The following MIB1 variants were observed in gnomAD, a reference collection of about 807,000 sequenced individuals.
The protein encoded by MIB1 is MIB E3 ubiquitin protein ligase 1.
MIB1 carries 278 observed loss-of-function variants against 124.5 expected under a neutral mutation model. That is an observed-to-expected ratio of 2.23 (90% confidence interval 2.02 to 2.47). The LOEUF (loss-of-function observed/expected upper bound fraction) is 2.47. Ranked by LOEUF, MIB1 falls within the 30% of genes most tolerant of loss-of-function variation. The probability of loss-of-function intolerance (pLI) is 0.00; values close to 1 mark genes in which losing one functional copy is unlikely to be tolerated. For missense variants in MIB1, 957 were observed against 1,254.4 expected (o/e 0.76, Z 3.58); for synonymous variants, 446 against 429.4 (o/e 1.04, Z -0.48).
At chr18:21,791,258 T>C (rs1816784894) in intron 6 of MIB1, 116 bp from the exon 7 acceptor site, 1 of 690,432 alleles carries the variant, frequency 1.4e-6, no homozygotes, top group African/African-American at 1.8e-5. Context: ...TAAACACAAA[T>C]CATTCAGGAT....
chr18:21,835,840 A>AAACAC (rs1555695331), intron 12 of MIB1, among the ~76,000 whole-genome samples: 4,331 of 107,982 alleles, frequency 0.04, 135 homozygotes, highest in Middle Eastern at 0.065. Flanking sequence ...CACACACACA[A>AAACAC]ACACACACGA....
At chr18:21,830,777 G>C (rs1343722469) in intron 12 of MIB1, 1 of 152,120 alleles carries the variant, frequency 6.6e-6, no homozygotes, top group African/African-American at 2.4e-5. Context: ...GGATGTATCA[G>C]TGAACACAGA....
At chr18:21,843,452 A>C (rs1335112723) in intron 14 of MIB1, among the ~76,000 whole-genome samples, 4 of 152,232 alleles carry the variant, frequency 2.6e-5, no homozygotes, top group Non-Finnish European at 2.9e-5. Context: ...TAAGTATCGT[A>C]GAAGGGATTA....
chr18:21,787,705 A>G (rs938149479), intron 6 of MIB1, among the ~76,000 whole-genome samples: 1 of 150,044 alleles, frequency 6.7e-6, no homozygotes, highest in Admixed American at 6.6e-5. Flanking sequence ...GGATCATTTC[A>G]GCTTCAGACT....
intron 20 of MIB1, among the ~76,000 whole-genome samples, chr18:21,862,685 G>T (rs2042286497): frequency 6.6e-6 from 1 of 152,122 alleles, no homozygotes; most frequent in Non-Finnish European, 1.5e-5. Flanking sequence ...GCCCTGAGTT[G>T]GTTCACTCTA....
At position 21,765,465 on chromosome 18, in the gene MIB1, A is replaced by G. The variant is rs181364337; in HGVS notation, c.230-307A>G. On this transcript the variant is annotated intron_variant, in intron 1 of 20. Coordinates refer to ENST00000261537, the MANE Select transcript of MIB1 (RefSeq NM_020774.4). ...TGTAGTCTGAAACATCTCCTTAGTG[A>G]TAAAGGATTCTTTCTTTCTCTGTGC... Among the ~76,000 whole-genome samples, 55 of 152,322 alleles carry G rather than the reference A, an allele frequency of 3.6e-4. No individual in the cohort carries two copies. In the East Asian group the frequency reaches 0.01, roughly 28 times the overall value.
chr18:21,717,340 G>A (rs1006192516), intron 1 of MIB1, among the ~76,000 whole-genome samples: 3 of 152,164 alleles, frequency 2.0e-5, no homozygotes, highest in African/African-American at 7.2e-5. Context: ...CTTAGGCAAG[G>A]ATTTCATGAC....
chr18:21,790,292 A>G (rs999182276), intron 6 of MIB1, among the ~76,000 whole-genome samples: 1 of 152,248 alleles, frequency 6.6e-6, no homozygotes, highest in Non-Finnish European at 1.5e-5. Flanking sequence ...ACAAAGATGT[A>G]TACGCAGGAA....
intron 1 of MIB1, among the ~76,000 whole-genome samples, chr18:21,751,451 G>C (rs949996421): frequency 6.6e-6 from 1 of 151,936 alleles, no homozygotes; most frequent in African/African-American, 2.4e-5. Context: ...AGTAGAGATG[G>C]GGTTTCACCA....
chr18:21,732,644 C>T (rs2146365174), intron 1 of MIB1, among the ~76,000 whole-genome samples: 1 of 152,142 alleles, frequency 6.6e-6, no homozygotes, highest in African/African-American at 2.4e-5. Flanking sequence ...AGTGATCCTC[C>T]CACCTTGGCC....
At chr18:21,835,991 G>A (rs1046917769) in intron 12 of MIB1, among the ~76,000 whole-genome samples, 1 of 151,928 alleles carries the variant, frequency 6.6e-6, no homozygotes. Flanking sequence ...GGTCATGCTT[G>A]TAATCCCAGC....
chr18:21,801,322 C>A (rs1384269716), intron 9 of MIB1, among the ~76,000 whole-genome samples: 1 of 152,094 alleles, frequency 6.6e-6, no homozygotes, highest in African/African-American at 2.4e-5. Flanking sequence ...ACAAGACACA[C>A]ACATACTGTT....
At chr18:21,750,744 G>A (rs1038155097) in intron 1 of MIB1, among the ~76,000 whole-genome samples, 2 of 152,180 alleles carry the variant, frequency 1.3e-5, no homozygotes, top group South Asian at 2.1e-4. Context: ...GATTACAGGC[G>A]TGAGCCACTG....
chr18:21,850,621 A>G (rs2146512607), intron 17 of MIB1, among the ~76,000 whole-genome samples: 1 of 152,292 alleles, frequency 6.6e-6, no homozygotes, highest in East Asian at 1.9e-4. Context: ...TGATAGGAAT[A>G]CTGGAGTGCT....
rs59731612 is a variant in MIB1 at position 21,732,351 on chromosome 18, TACACACACACAC to T, written n.167+27260_167+27271del. 2.8e-3 allele frequency among the ~76,000 whole-genome samples: 388 copies of T among 141,048 alleles called. 2 individuals are homozygous for T. The highest frequency in any genetic ancestry group is 8.9e-3 in the African/African-American group (340 of 38,310). 92.5% of individuals were successfully genotyped at this position (141,048 alleles called of 152,430 possible). A position where few individuals can be genotyped will look rare whatever the true frequency, so the allele number is the denominator to read the frequency against. On this transcript the variant is annotated intron_variant and non_coding_transcript_variant, in intron 1 of 20. Coordinates refer to the MIB1 transcript ENST00000578646. ...TAAAAAAATATATATATTATATGTATACACACACACACACACACACACACACACACACACACA... is the reference window on the plus strand; with the variant it reads ...TAAAAAAATATATATATTATATGTATACACACACACACACACACACACACA...
chr18:21,708,469 CA>C (rs1397381521), intron 1 of MIB1, among the ~76,000 whole-genome samples: 1 of 152,152 alleles, frequency 6.6e-6, no homozygotes, highest in Non-Finnish European at 1.5e-5. Context: ...GCTTGACCAA[CA>C]TCGTGAAACC....
rs748866731 is a variant in MIB1 at position 21,779,686 on chromosome 18, G to A, written c.908+1G>A. 3.1e-6 allele frequency: 5 copies of A among 1,609,996 alleles called. No individual in the cohort carries two copies. The highest frequency in any genetic ancestry group is 2.2e-5 in the East Asian group (1 of 44,858). On this transcript the variant is annotated splice_donor_variant, in intron 6 of 20. Coordinates refer to ENST00000261537, the MANE Select transcript of MIB1 (RefSeq NM_020774.4). LOFTEE classifies it high-confidence loss of function. Reference sequence around the variant, plus strand: ...TAGTACAGTATCCAAGTGGCAATAGGTGGGTGATATCTCTCAATTTTTGAC... The same window carrying A: ...TAGTACAGTATCCAAGTGGCAATAGATGGGTGATATCTCTCAATTTTTGAC...
Position 21,849,182 on chromosome 18 carries a change from C to T in MIB1, c.2394-14C>T, listed in dbSNP as rs1568226574. 6.8e-7 allele frequency: 1 copy of T among 1,479,512 alleles called. No homozygotes were observed. The allele number at this position is 1,479,512 out of a possible 1,614,324, so 91.6% of individuals were successfully genotyped here. A position where few individuals can be genotyped will look rare whatever the true frequency, so the allele number is the denominator to read the frequency against. On this transcript the variant is annotated splice_polypyrimidine_tract_variant and intron_variant, in intron 16 of 20. Coordinates refer to ENST00000261537, the MANE Select transcript of MIB1 (RefSeq NM_020774.4). The stretch of plus-strand genomic sequence containing the variant: ...AATAAGATAGGCTTGATTTGAAATA[C>T]TTTCTTTTATTAGTGGTCAAGTGGG...
intron 6 of MIB1, among the ~76,000 whole-genome samples, 191 bp downstream of exon 6, chr18:21,779,876 G>A (rs1351471852): frequency 6.6e-6 from 1 of 151,910 alleles, no homozygotes. Context: ...GTGTGTGTGT[G>A]TGTGTGTGTG....
Sources: allele counts gnomAD v4.1 joint callset (sites outside exome capture counted in the v4.1 genomes callset), GRCh38; gene constraint gnomAD v4.1.1; transcripts MANE v1.5; gene names NCBI Gene and HGNC (gene_info 2026-07-23, HGNC 2026-07-21).